Variants in TMPRSS15 observed in about 807,000 individuals in gnomAD.
The protein encoded by TMPRSS15 is transmembrane serine protease 15.
A neutral mutation model predicts 125.3 loss-of-function variants in TMPRSS15; 128 were observed. That is an observed-to-expected ratio of 1.02 (90% confidence interval 0.89 to 1.18). TMPRSS15 has a LOEUF of 1.18. Ranked by LOEUF, TMPRSS15 falls within the 50% of genes most tolerant of loss-of-function variation. The pLI is 0.00. For synonymous variants in TMPRSS15, 446 were observed against 423.2 expected (o/e 1.05, Z -0.66); for missense variants, 1,283 against 1,212.7 (o/e 1.06, Z -0.86).
rs148756605 is a variant in TMPRSS15 at position 18,422,480 on chromosome 21, A to G, written c.11-24151T>C. 1.2e-3 allele frequency among the ~76,000 whole-genome samples: 186 copies of G among 152,324 alleles called. 1 individual carries two copies. Among genetic ancestry groups the G allele is most frequent in the African/African-American group, 4.1e-3 (171 of 41,576 alleles). On this transcript the variant is annotated intron_variant, in intron 1 of 7. Coordinates refer to the TMPRSS15 transcript ENST00000422787. ...GTTATTTTGAAAACAGGATAAAATGATATGAATCATATAATGATAATTACT... is the reference window on the plus strand; with the variant it reads ...GTTATTTTGAAAACAGGATAAAATGGTATGAATCATATAATGATAATTACT...
Position 18,343,665 on chromosome 21 carries a change from G to A in TMPRSS15, c.1278-9C>T. 1 of 1,612,676 alleles carries A rather than the reference G, an allele frequency of 6.2e-7. No homozygotes were observed. The highest frequency in any genetic ancestry group is 8.5e-7 in the Non-Finnish European group (1 of 1,179,264). On this transcript the variant is annotated splice_polypyrimidine_tract_variant and intron_variant, in intron 11 of 24. Transcript: ENST00000284885. The stretch of plus-strand genomic sequence containing the variant: ...CACCATACATATGATACCTAGTTTG[G>A]AAAGAAGCAAAAATGTTTGGATTCC...
intron 1 of TMPRSS15, among the ~76,000 whole-genome samples, chr21:18,457,990 C>G (rs908261734): frequency 2.0e-5 from 3 of 152,094 alleles, no homozygotes; most frequent in African/African-American, 7.2e-5. Flanking sequence ...TAAGAAAGAT[C>G]CTTATTCAGA....
At chr21:18,348,030 A>T (rs78131761) in intron 10 of TMPRSS15, among the ~76,000 whole-genome samples, 12,652 of 152,200 alleles carry the variant, frequency 0.083, 732 homozygotes, top group South Asian at 0.21. Context: ...TAAAAAATTT[A>T]AAAAAATTGC....
chr21:18,404,942 G>A (rs1210012712), upstream of TMPRSS15, among the ~76,000 whole-genome samples: 1 of 151,904 alleles, frequency 6.6e-6, no homozygotes, highest in Non-Finnish European at 1.5e-5. Flanking sequence ...TGAAATCAGA[G>A]ACACCACTTA....
In TMPRSS15 at chr21:18,337,952, T is replaced by G. The variant is rs760602859; in HGVS notation, c.1564+3461A>C. Among the ~76,000 whole-genome samples, 3 of 152,336 alleles carry G rather than the reference T, an allele frequency of 2.0e-5. 1 individual carries two copies. The highest frequency in any genetic ancestry group is 4.4e-5 in the Non-Finnish European group (3 of 68,032). The stretch of plus-strand genomic sequence containing the variant: ...GTCTTGAAGTGAACCATTTGGAAAC[T>G]GGAACAAATAGACTCCGGGCAGATT... On this transcript the variant is annotated intron_variant, in intron 13 of 24. Coordinates refer to ENST00000284885, the MANE Select transcript of TMPRSS15 (RefSeq NM_002772.3).
rs75851248 is a variant in TMPRSS15, at chr21:18,450,077, T to A, written c.10+35722A>T. On this transcript the variant is annotated intron_variant, in intron 1 of 7. Transcript: ENST00000422787. ...TTTATTTTCAACTTATGGAAGCAAT[T>A]ACTTGAATGCAAACTCCAGGGAAGT... Among the ~76,000 whole-genome samples the A allele has an allele frequency of 4.2e-3, 636 of 152,286 alleles. 1 individual carries two copies. Among genetic ancestry groups the A allele is most frequent in the Non-Finnish European group, 7.0e-3 (473 of 68,010 alleles).
chr21:18,428,292 A>G (rs2076208136), intron 1 of TMPRSS15, among the ~76,000 whole-genome samples: 1 of 152,206 alleles, frequency 6.6e-6, no homozygotes, highest in South Asian at 2.1e-4. Context: ...AGGGAAGCTG[A>G]GCATAAAAGT....
At chr21:18,445,725 A>C (rs1186166232) in intron 1 of TMPRSS15, among the ~76,000 whole-genome samples, 1 of 152,350 alleles carries the variant, frequency 6.6e-6, no homozygotes. Flanking sequence ...TCATTTTATT[A>C]GATGCTAAAA....
intron 1 of TMPRSS15, among the ~76,000 whole-genome samples, chr21:18,402,497 C>A (rs1016268733): frequency 3.0e-5 from 4 of 135,132 alleles, no homozygotes; most frequent in African/African-American, 1.1e-4. Flanking sequence ...CCACTGCACT[C>A]CAGCCTGGCG....
At chr21:18,342,361 A>C (rs2075456328) in intron 12 of TMPRSS15, among the ~76,000 whole-genome samples, 2 of 152,226 alleles carry the variant, frequency 1.3e-5, no homozygotes, top group African/African-American at 4.8e-5. Flanking sequence ...TTCATGCCAG[A>C]CATTATTCCA....
chr21:18,460,090 C>T (rs1401805430), intron 1 of TMPRSS15, among the ~76,000 whole-genome samples: 1 of 151,990 alleles, frequency 6.6e-6, no homozygotes, highest in Non-Finnish European at 1.5e-5. Flanking sequence ...TGTAGATTAT[C>T]ATGTTCTCTG....
chr21:18,281,235 T>C lies in TMPRSS15; in HGVS notation c.2487-14A>G, dbSNP rs1018171449. ...TCTAAGTTTCTCCTGAAAATTGTAA[T>C]GAAGAAATATGAGACACTCTCCATC... On this transcript the variant is annotated splice_polypyrimidine_tract_variant and intron_variant, in intron 21 of 24. Transcript: ENST00000284885. The C allele has an allele frequency of 6.2e-7, 1 of 1,611,314 alleles. No homozygotes were observed. The highest frequency in any genetic ancestry group is 8.5e-7 in the Non-Finnish European group (1 of 1,177,826).
chr21:18,334,181 T>C (rs1291028183), intron 13 of TMPRSS15, among the ~76,000 whole-genome samples: 1 of 152,180 alleles, frequency 6.6e-6, no homozygotes, highest in Non-Finnish European at 1.5e-5. Context: ...TCTTCAAAGT[T>C]TATATGTAAC....
intron 1 of TMPRSS15, among the ~76,000 whole-genome samples, chr21:18,400,351 C>T (rs2076083478): frequency 6.6e-6 from 1 of 152,122 alleles, no homozygotes; most frequent in Non-Finnish European, 1.5e-5. Flanking sequence ...GTAACTAAAA[C>T]AGCATGGTAG....
intron 3 of TMPRSS15, among the ~76,000 whole-genome samples, chr21:18,392,006 G>A (rs1407620207): frequency 2.0e-5 from 3 of 152,260 alleles, no homozygotes; most frequent in East Asian, 3.9e-4. Context: ...TGGCTGGGAC[G>A]CAGGGCACCA....
At chr21:18,279,267 C>T (rs1338075697) in intron 22 of TMPRSS15, among the ~76,000 whole-genome samples, 1 of 148,188 alleles carries the variant, frequency 6.7e-6, no homozygotes, top group East Asian at 2.0e-4. Context: ...AGATCGGCTA[C>T]CACTGGTGGC....
At chr21:18,462,634 G>A (rs1324108523) in intron 1 of TMPRSS15, among the ~76,000 whole-genome samples, 1 of 151,912 alleles carries the variant, frequency 6.6e-6, no homozygotes, top group Non-Finnish European at 1.5e-5. Flanking sequence ...TTTGAACATG[G>A]CCTATGAAAA....
In TMPRSS15 at chr21:18,269,540, GA is replaced by G. The variant is rs1312605322; in HGVS notation, c.*428del. 6.2e-6 allele frequency: 1 copy of G among 160,796 alleles called. No individual in the cohort carries two copies. Among genetic ancestry groups the G allele is most frequent in the African/African-American group, 2.4e-5 (1 of 41,468 alleles). The allele number at this position is 160,796 out of a possible 1,614,324, so 10.0% of individuals were successfully genotyped here. A position where few individuals can be genotyped will look rare whatever the true frequency, so the allele number is the denominator to read the frequency against. ...ATAGCAGCAAACTAAACTGGAACTAGAAAATTTATGGCAGTTTATTTCCAAC... is the reference window on the plus strand; with the variant it reads ...ATAGCAGCAAACTAAACTGGAACTAGAAATTTATGGCAGTTTATTTCCAAC... On this transcript the variant is annotated 3_prime_UTR_variant, in exon 25 of 25. Coordinates refer to ENST00000284885, the MANE Select transcript of TMPRSS15 (RefSeq NM_002772.3).
chr21:18,384,677 T>C (rs890117421), intron 3 of TMPRSS15, among the ~76,000 whole-genome samples: 4 of 152,194 alleles, frequency 2.6e-5, no homozygotes, highest in Non-Finnish European at 5.9e-5. Context: ...CTGATATTTA[T>C]TCTATACCCC....
Sources: gnomAD v4.1 joint callset for allele counts (sites outside exome capture counted in the v4.1 genomes callset) on GRCh38, gnomAD v4.1.1 for gene constraint, MANE v1.5 for transcripts, NCBI Gene and HGNC (gene_info 2026-07-23, HGNC 2026-07-21) for gene names.